Variants in UNC5D observed in about 807,000 individuals in gnomAD.
UNC5D encodes netrin receptor UNC5D.
UNC5D carries 39 observed loss-of-function variants against 105.4 expected under a neutral mutation model. The ratio of observed to expected loss-of-function variants is 0.37; its 90% CI spans 0.29 to 0.48. The LOEUF is 0.48. Among genes scored for constraint, UNC5D ranks in the 20% least tolerant of loss-of-function variants. UNC5D has a pLI of 0.98. For synonymous variants in UNC5D, 452 were observed against 450.4 expected, an observed-to-expected ratio of 1.00 and a Z score of -0.04; for missense variants, 991 against 1,202.4, an observed-to-expected ratio of 0.82 and a Z score of 2.60.
intron 11 of UNC5D, among the ~76,000 whole-genome samples, chr8:35,745,019 A>C (rs1829934353): frequency 6.6e-6 from 1 of 152,024 alleles, no homozygotes; most frequent in Non-Finnish European, 1.5e-5. Context: ...GTGCCACTGC[A>C]CTTCAGCCTG....
intron 4 of UNC5D, among the ~76,000 whole-genome samples, chr8:35,644,974 G>A (rs1047733919): frequency 1.3e-5 from 2 of 152,058 alleles, no homozygotes; most frequent in African/African-American, 4.8e-5. Context: ...CTAAATAAAG[G>A]TCTTTGTCTT....
At chr8:35,786,393 C>T (rs974355429) in intron 16 of UNC5D, among the ~76,000 whole-genome samples, 4 of 152,124 alleles carry the variant, frequency 2.6e-5, no homozygotes, top group Non-Finnish European at 1.5e-5. Context: ...CATTTAGCTT[C>T]GTTTAGCCGT....
At chr8:35,409,715 T>C (rs1473514234) in intron 1 of UNC5D, among the ~76,000 whole-genome samples, 1 of 152,012 alleles carries the variant, frequency 6.6e-6, no homozygotes, top group Non-Finnish European at 1.5e-5. Context: ...CTCTTAGCCT[T>C]ATGTTTTGCA....
intron 1 of UNC5D, among the ~76,000 whole-genome samples, chr8:35,527,557 T>G (rs1813966954): frequency 6.6e-6 from 1 of 152,084 alleles, no homozygotes. Context: ...TTTTCTTTTT[T>G]TTTCTTTTTG....
intron 4 of UNC5D, among the ~76,000 whole-genome samples, chr8:35,597,412 C>A (rs942556043): frequency 3.3e-5 from 5 of 152,186 alleles, no homozygotes; most frequent in African/African-American, 1.2e-4. Flanking sequence ...GGGACTGTAT[C>A]CCTCTCATTT....
chr8:35,526,046 G>A, intron 1 of UNC5D, among the ~76,000 whole-genome samples: 1 of 152,150 alleles, frequency 6.6e-6, no homozygotes, highest in East Asian at 1.9e-4. Flanking sequence ...CACTGGCCCA[G>A]CAGTGAAATC....
chr8:35,730,331 A>C (rs1829117493), intron 10 of UNC5D, among the ~76,000 whole-genome samples: 1 of 152,200 alleles, frequency 6.6e-6, no homozygotes, highest in Non-Finnish European at 1.5e-5. Context: ...ATTTTATGGA[A>C]GTAAGGCTGC....
intron 1 of UNC5D, among the ~76,000 whole-genome samples, chr8:35,339,335 T>G (rs1333294138): frequency 1.3e-5 from 2 of 152,228 alleles, no homozygotes; most frequent in Non-Finnish European, 2.9e-5. Flanking sequence ...AAATAAGTCC[T>G]ATATGATGGG....
intron 1 of UNC5D, among the ~76,000 whole-genome samples, chr8:35,451,578 C>T (rs557837347): frequency 2.8e-4 from 43 of 152,248 alleles, no homozygotes; most frequent in Middle Eastern, 3.4e-3. Flanking sequence ...GCTAAGATTC[C>T]AACCTTAGAA....
At chr8:35,639,547 T>G (rs1586312433) in intron 4 of UNC5D, among the ~76,000 whole-genome samples, 1 of 152,250 alleles carries the variant, frequency 6.6e-6, no homozygotes, top group Non-Finnish European at 1.5e-5. Context: ...TTCTGCGGGG[T>G]ACTGTAATAT....
At chr8:35,545,120 A>T (rs1021035665) in intron 1 of UNC5D, among the ~76,000 whole-genome samples, 2 of 152,184 alleles carry the variant, frequency 1.3e-5, no homozygotes, top group Non-Finnish European at 2.9e-5. Context: ...CTTTTCTTTG[A>T]GTTGTAAAGT....
At chr8:35,264,588 G>A (rs1804712601) in intron 1 of UNC5D, among the ~76,000 whole-genome samples, 1 of 152,096 alleles carries the variant, frequency 6.6e-6, no homozygotes, top group African/African-American at 2.4e-5. Context: ...ATTATAGCCA[G>A]GTGTGGTGGC....
chr8:35,481,362 G>T (rs1051468277), intron 1 of UNC5D, among the ~76,000 whole-genome samples: 4 of 152,252 alleles, frequency 2.6e-5, no homozygotes, highest in African/African-American at 9.6e-5. Flanking sequence ...TCATGCCACT[G>T]CACTCCAGCC....
chr8:35,394,323 A>G (rs940394272), intron 1 of UNC5D, among the ~76,000 whole-genome samples: 61 of 152,292 alleles, frequency 4.0e-4, no homozygotes, highest in African/African-American at 1.3e-3. Flanking sequence ...TATTTGTGGT[A>G]TATTTCTCAT....
At chr8:35,410,913 G>A (rs1415494676) in intron 1 of UNC5D, among the ~76,000 whole-genome samples, 2 of 151,954 alleles carry the variant, frequency 1.3e-5, no homozygotes, top group African/African-American at 2.4e-5. Context: ...TCCTTTGCAC[G>A]CTATCATGAG....
At chr8:35,652,317 A>G (rs578249797) in intron 4 of UNC5D, among the ~76,000 whole-genome samples, 1 of 152,326 alleles carries the variant, frequency 6.6e-6, no homozygotes, top group South Asian at 2.1e-4. Flanking sequence ...TATTTTAGCA[A>G]TTTTTAAAAT....
intron 1 of UNC5D, among the ~76,000 whole-genome samples, chr8:35,509,248 C>G (rs978761763): frequency 1.3e-5 from 2 of 151,664 alleles, no homozygotes; most frequent in South Asian, 2.1e-4. Context: ...AGGAATAGCA[C>G]GAGTTATTCA....
At chr8:35,695,529 C>CT (rs1486380453) in intron 7 of UNC5D, among the ~76,000 whole-genome samples, 1 of 151,940 alleles carries the variant, frequency 6.6e-6, no homozygotes, top group Non-Finnish European at 1.5e-5. Context: ...GGGCAAGACT[C>CT]TGTCTCTTAA....
intron 4 of UNC5D, among the ~76,000 whole-genome samples, chr8:35,659,592 G>T (rs956178168): frequency 1.3e-5 from 2 of 152,184 alleles, no homozygotes. Flanking sequence ...AGGTTAATTT[G>T]TGCAAGCACA....
Sources: allele counts gnomAD v4.1 joint callset (sites outside exome capture counted in the v4.1 genomes callset), GRCh38; gene constraint gnomAD v4.1.1; transcripts MANE v1.5; gene names NCBI Gene and HGNC (gene_info 2026-07-23, HGNC 2026-07-21).